FAF1: variants seen among roughly 807,000 people sequenced by gnomAD.
FAF1 encodes Fas associated factor 1, also known as FAS-associated factor 1.
Under a neutral mutation model 92.5 loss-of-function variants are expected in FAF1, and 25 were observed. That is an observed-to-expected ratio of 0.27 (90% CI 0.20 to 0.38). FAF1 has a LOEUF of 0.38. Among genes scored for constraint, FAF1 ranks in the 10% least tolerant of loss-of-function variants. The pLI, the probability that FAF1 is intolerant of heterozygous loss-of-function variation, is 1.00. For missense variants in FAF1, 636 were observed against 793.3 expected (o/e 0.80, Z 2.38); for synonymous variants, 234 against 273.2 (o/e 0.86, Z 1.42).
intron 14 of FAF1, among the ~76,000 whole-genome samples, chr1:50,537,802 T>A (rs1648563053): frequency 6.6e-6 from 1 of 152,064 alleles, no homozygotes; most frequent in South Asian, 2.1e-4. Flanking sequence ...CTGGTTGAAA[T>A]TTACGAAGAA....
intron 3 of FAF1, among the ~76,000 whole-genome samples, chr1:50,792,357 C>T (rs1398749165): frequency 1.3e-5 from 2 of 152,202 alleles, no homozygotes; most frequent in Non-Finnish European, 2.9e-5. Context: ...AATAAACATA[C>T]TTTCTAAGTT....
At chr1:50,580,190 T>G (rs368467693) in intron 12 of FAF1, among the ~76,000 whole-genome samples, 1 of 152,054 alleles carries the variant, frequency 6.6e-6, no homozygotes, top group Non-Finnish European at 1.5e-5. Flanking sequence ...TTTATATTTA[T>G]TTTATACTTG....
At chr1:50,906,407 T>A (rs1423263719) in intron 1 of FAF1, among the ~76,000 whole-genome samples, 1 of 152,252 alleles carries the variant, frequency 6.6e-6, no homozygotes, top group Non-Finnish European at 1.5e-5. Flanking sequence ...TTTTTCCAAT[T>A]CTGTGAAGAA....
At chr1:50,851,676 T>C (rs892151247) in intron 2 of FAF1, among the ~76,000 whole-genome samples, 1 of 152,180 alleles carries the variant, frequency 6.6e-6, no homozygotes, top group Non-Finnish European at 1.5e-5. Context: ...TTGTCTACCA[T>C]AGATTTTATA....
intron 6 of FAF1, among the ~76,000 whole-genome samples, chr1:50,714,320 T>C (rs984660366): frequency 1.3e-5 from 2 of 148,444 alleles, no homozygotes; most frequent in Admixed American, 6.7e-5. Context: ...CTGGCCAACA[T>C]AGTGAAATCG....
At chr1:50,681,900 C>G (rs577892409) in intron 7 of FAF1, among the ~76,000 whole-genome samples, 2 of 151,832 alleles carry the variant, frequency 1.3e-5, no homozygotes, top group African/African-American at 4.8e-5. Context: ...GTAGTGCAAT[C>G]TGGGCTCATT....
chr1:50,468,476 T>C (rs978229353), intron 18 of FAF1, among the ~76,000 whole-genome samples: 6 of 150,680 alleles, frequency 4.0e-5, no homozygotes, highest in African/African-American at 1.5e-4. Context: ...TTTTTTTTTT[T>C]TGAGATGGAG....
intron 8 of FAF1, among the ~76,000 whole-genome samples, chr1:50,614,839 C>CAAAAAA (rs1295301237): frequency 4.3e-5 from 2 of 46,822 alleles, no homozygotes; most frequent in African/African-American, 1.5e-4. Flanking sequence ...AACTCCGTCT[C>CAAAAAA]AAAAAAAAAA....
At chr1:50,786,145 A>C (rs1429145398) in intron 4 of FAF1, among the ~76,000 whole-genome samples, 1 of 152,146 alleles carries the variant, frequency 6.6e-6, no homozygotes, top group East Asian at 1.9e-4. Flanking sequence ...AAAAAAAAAA[A>C]ATCACATTCT....
intron 1 of FAF1, among the ~76,000 whole-genome samples, chr1:50,884,361 GAA>G (rs990321684): frequency 6.9e-6 from 1 of 143,940 alleles, no homozygotes; most frequent in Non-Finnish European, 1.5e-5. Flanking sequence ...TAAAAAAAAA[GAA>G]AAAAAAAATA....
chr1:50,629,109 G>A (rs1284696709), intron 8 of FAF1, among the ~76,000 whole-genome samples: 2 of 151,084 alleles, frequency 1.3e-5, no homozygotes, highest in Non-Finnish European at 1.5e-5. Flanking sequence ...GTTATTCCCA[G>A]AGAGGCATGA....
chr1:50,888,998 CTTT>C (rs1164010988), intron 1 of FAF1, among the ~76,000 whole-genome samples: 1 of 152,106 alleles, frequency 6.6e-6, no homozygotes, highest in Non-Finnish European at 1.5e-5. Context: ...TGGTCCCGGA[CTTT>C]TTTTGGTTGG....
At chr1:50,642,435 A>T (rs1041657632) in intron 8 of FAF1, among the ~76,000 whole-genome samples, 1 of 151,914 alleles carries the variant, frequency 6.6e-6, no homozygotes, top group African/African-American at 2.4e-5. Context: ...GGGATCACAA[A>T]GTCAGGAGTT....
chr1:50,874,813 G>A (rs561991991), intron 1 of FAF1, among the ~76,000 whole-genome samples: 45 of 120,970 alleles, frequency 3.7e-4, no homozygotes, highest in Non-Finnish European at 4.5e-4. Context: ...TCTGTCACCT[G>A]GGCTGGAGTG....
At chr1:50,492,123 A>C (rs1258649097) in intron 15 of FAF1, among the ~76,000 whole-genome samples, 1 of 152,210 alleles carries the variant, frequency 6.6e-6, no homozygotes, top group Non-Finnish European at 1.5e-5. Context: ...AATTAAGTGC[A>C]ATAATATACA....
intron 2 of FAF1, among the ~76,000 whole-genome samples, chr1:50,849,110 A>C (rs10888709): frequency 0.48 from 71,891 of 151,068 alleles, 18,756 homozygotes; most frequent in African/African-American, 0.69. Context: ...TACACACACA[A>C]AAAAAAATTA....
At chr1:50,855,829 T>G (rs771239170) in intron 2 of FAF1, among the ~76,000 whole-genome samples, 1 of 151,812 alleles carries the variant, frequency 6.6e-6, no homozygotes, top group Non-Finnish European at 1.5e-5. Flanking sequence ...AAATTTAAGG[T>G]TCTGAAAGAT....
intron 8 of FAF1, among the ~76,000 whole-genome samples, chr1:50,606,017 A>T (rs1652365925): frequency 6.6e-6 from 1 of 152,230 alleles, no homozygotes; most frequent in Non-Finnish European, 1.5e-5. Flanking sequence ...AGAAATGGGA[A>T]TAATATCTTT....
intron 5 of FAF1, among the ~76,000 whole-genome samples, chr1:50,742,222 A>T (rs1248440555): frequency 6.6e-6 from 1 of 152,006 alleles, no homozygotes; most frequent in Non-Finnish European, 1.5e-5. Context: ...GCTGAGGTAG[A>T]AGCATCACTT....
Sources: gnomAD v4.1 joint callset for allele counts (sites outside exome capture counted in the v4.1 genomes callset) on GRCh38, gnomAD v4.1.1 for gene constraint, MANE v1.5 for transcripts, NCBI Gene and HGNC (gene_info 2026-07-23, HGNC 2026-07-21) for gene names.